Variants in CXADR observed in about 807,000 individuals in gnomAD.
The protein encoded by CXADR is coxsackievirus and adenovirus receptor.
In CXADR, 20 loss-of-function variants were observed where a neutral mutation model predicts 40.3. The ratio of observed to expected loss-of-function variants is 0.50; its 90% CI spans 0.35 to 0.72. The LOEUF is 0.72. Ranked by LOEUF, CXADR falls within the 30% of genes least tolerant of loss-of-function variation. The pLI, the probability that CXADR is intolerant of heterozygous loss-of-function variation, is 0.01. For missense variants in CXADR, 332 were observed against 449.1 expected, an observed-to-expected ratio of 0.74 and a Z score of 2.36; for synonymous variants, 150 against 161.3, an observed-to-expected ratio of 0.93 and a Z score of 0.53.
At chr21:17,553,368 ACT>A in intron 3 of CXADR, among the ~76,000 whole-genome samples, 1 of 152,072 alleles carries the variant, frequency 6.6e-6, no homozygotes, top group Non-Finnish European at 1.5e-5. Flanking sequence ...TGGTAGATAG[ACT>A]CTGCTGGCAG....
chr21:17,610,904 G>A, the CXADR span, among the ~76,000 whole-genome samples: 1 of 152,084 alleles, frequency 6.6e-6, no homozygotes, highest in Non-Finnish European at 1.5e-5. Context: ...TTCAAACAAG[G>A]AACCTCACTG....
chr21:17,632,343 A>C, the CXADR span, among the ~76,000 whole-genome samples: 5 of 152,226 alleles, frequency 3.3e-5, no homozygotes, highest in South Asian at 1.0e-3. Context: ...TTAAGAGCTC[A>C]GAGGGAAACT....
chr21:17,615,670 T>A, the CXADR span, among the ~76,000 whole-genome samples: 1 of 152,204 alleles, frequency 6.6e-6, no homozygotes, highest in Non-Finnish European at 1.5e-5. Context: ...CTCATTAATA[T>A]GTATTTCCAT....
downstream of CXADR, among the ~76,000 whole-genome samples, chr21:17,596,622 ACT>A (rs1289797308): frequency 6.6e-6 from 1 of 151,834 alleles, no homozygotes; most frequent in African/African-American, 2.4e-5. Flanking sequence ...CTACTTCTGG[ACT>A]CTCTATCCTG....
At chr21:17,627,461 C>A in the CXADR span, among the ~76,000 whole-genome samples, 1 of 152,048 alleles carries the variant, frequency 6.6e-6, no homozygotes, top group African/African-American at 2.4e-5. Context: ...TGATGAAAGA[C>A]AGGCTGGAAA....
In CXADR at chr21:17,569,887, A is replaced by G; in HGVS notation, c.*4195A>G. 1 of 985,302 alleles carries G rather than the reference A, an allele frequency of 1.0e-6. No homozygotes were observed. The highest frequency in any genetic ancestry group is 1.2e-6 in the Non-Finnish European group (1 of 829,836). The allele number at this position is 985,302 out of a possible 1,614,324, so 61.0% of individuals were successfully genotyped here. On this transcript the variant is annotated 3_prime_UTR_variant, in exon 7 of 7. Coordinates refer to ENST00000284878, the MANE Select transcript of CXADR (RefSeq NM_001338.5). ...CCCTAATTGTGAATTTTAGTGATAA[A>G]TACACCTGTACTACTGAGGAAAATA...
the CXADR span, among the ~76,000 whole-genome samples, chr21:17,631,148 C>T: frequency 2.6e-5 from 4 of 152,176 alleles, no homozygotes; most frequent in African/African-American, 9.7e-5. Context: ...GTTACATTAG[C>T]ACTGTGGGTT....
the CXADR span, among the ~76,000 whole-genome samples, chr21:17,627,914 T>C: frequency 3.3e-5 from 5 of 152,236 alleles, no homozygotes. Context: ...AATCCAATTC[T>C]GGTCTAGTTC....
the CXADR span, among the ~76,000 whole-genome samples, chr21:17,621,600 G>A: frequency 6.6e-5 from 10 of 152,310 alleles, no homozygotes; most frequent in Admixed American, 6.5e-4. Flanking sequence ...ATTAGGCCAT[G>A]AGGGCTCCTC....
intron 6 of CXADR, 51 bp from the exon 7 acceptor site, chr21:17,565,377 G>A (rs2061191546): frequency 6.3e-7 from 1 of 1,576,996 alleles, no homozygotes; most frequent in Non-Finnish European, 8.6e-7. Context: ...CATAATTGTA[G>A]GTTTTTAGAA....
intron 7 of CXADR, among the ~76,000 whole-genome samples, chr21:17,578,459 C>A (rs1423432314): frequency 6.6e-6 from 1 of 152,216 alleles, no homozygotes; most frequent in Non-Finnish European, 1.5e-5. Flanking sequence ...GAAAACCCTA[C>A]TGTGAAAATG....
chr21:17,531,694 C>G (rs1278282928), intron 1 of CXADR, among the ~76,000 whole-genome samples: 1 of 152,150 alleles, frequency 6.6e-6, no homozygotes, highest in Non-Finnish European at 1.5e-5. Flanking sequence ...CAGAGGATAT[C>G]AGGTACAAAT....
At chr21:17,594,305 G>T, downstream of CXADR, 1 of 1,612,998 alleles carries the variant, frequency 6.2e-7, no homozygotes, top group Non-Finnish European at 8.5e-7. Flanking sequence ...TGCCACATTG[G>T]AAGAGGTGGA....
chr21:17,612,097 G>A, the CXADR span: 2 of 152,370 alleles, frequency 1.3e-5, no homozygotes, highest in Non-Finnish European at 2.9e-5. Context: ...GGTAGGTGAG[G>A]AGGGATCAAA....
chr21:17,553,614 C>CTTTTTTTTTTTTTTT (rs10710377), intron 3 of CXADR, among the ~76,000 whole-genome samples: 1 of 128,274 alleles, frequency 7.8e-6, no homozygotes. Context: ...GGTCCGAATT[C>CTTTTTTTTTTTTTTT]TTTTTTTTTT....
At chr21:17,595,720 A>G (rs1462351292), downstream of CXADR, among the ~76,000 whole-genome samples, 1 of 151,988 alleles carries the variant, frequency 6.6e-6, no homozygotes, top group Non-Finnish European at 1.5e-5. Context: ...GAACAAAACA[A>G]TGCTGCAATG....
At chr21:17,594,445 G>T, downstream of CXADR, 1 of 1,258,368 alleles carries the variant, frequency 7.9e-7, no homozygotes, top group Non-Finnish European at 1.1e-6. Context: ...TCACATCTAA[G>T]TGACACTCCT....
the CXADR span, among the ~76,000 whole-genome samples, chr21:17,620,731 C>A: frequency 6.6e-6 from 1 of 151,832 alleles, no homozygotes; most frequent in Non-Finnish European, 1.5e-5. Context: ...AAAAAAAAAA[C>A]TGCTTGAAAT....
chr21:17,556,492 C>T (rs996176880), intron 3 of CXADR, among the ~76,000 whole-genome samples: 11 of 152,036 alleles, frequency 7.2e-5, no homozygotes, highest in African/African-American at 2.2e-4. Flanking sequence ...AAAGGATGAG[C>T]GTTAGAGTTA....
Sources: allele counts gnomAD v4.1 joint callset (sites outside exome capture counted in the v4.1 genomes callset), GRCh38; gene constraint gnomAD v4.1.1; transcripts MANE v1.5; gene names NCBI Gene and HGNC (gene_info 2026-07-23, HGNC 2026-07-21).